The following COL27A1 variants were observed in gnomAD, a reference collection of about 807,000 sequenced individuals.
COL27A1 encodes the protein collagen type XXVII alpha 1 chain.
In COL27A1, 106 loss-of-function variants were observed where a neutral mutation model predicts 251.3. The ratio of observed to expected loss-of-function variants is 0.42; its 90% CI spans 0.36 to 0.50. The LOEUF (loss-of-function observed/expected upper bound fraction) is 0.50, where lower values mean the gene tolerates loss of function less well. Ranked by LOEUF, COL27A1 falls within the 20% of genes least tolerant of loss-of-function variation. The probability of loss-of-function intolerance (pLI) is 0.00; values close to 1 mark genes in which losing one functional copy is unlikely to be tolerated. For synonymous variants in COL27A1, 1,000 were observed against 986.3 expected, an observed-to-expected ratio of 1.01 and a Z score of -0.26; for missense variants, 2,325 against 2,522.8, an observed-to-expected ratio of 0.92 and a Z score of 1.68.
At chr9:114,183,606 A>G (rs1399861921) in intron 5 of COL27A1, among the ~76,000 whole-genome samples, 1 of 152,026 alleles carries the variant, frequency 6.6e-6, no homozygotes, top group African/African-American at 2.4e-5. Flanking sequence ...GCAAGGTGAG[A>G]GACAGTTACA....
intron 50 of COL27A1, 28 bp downstream of exon 50, chr9:114,300,151 T>C: frequency 1.9e-6 from 3 of 1,602,264 alleles, no homozygotes; most frequent in East Asian, 2.2e-5. Context: ...TCACTGTTCC[T>C]GTGGGGTCCC....
chr9:114,259,957 G>T (rs886124287), intron 28 of COL27A1, among the ~76,000 whole-genome samples: 1 of 151,222 alleles, frequency 6.6e-6, no homozygotes, highest in African/African-American at 2.4e-5. Flanking sequence ...GCATTCCTGT[G>T]GCCCAGCAGG....
intron 57 of COL27A1, 68 bp downstream of exon 57, chr9:114,304,741 A>C (rs376673158): frequency 7.2e-7 from 1 of 1,396,588 alleles, no homozygotes; most frequent in Non-Finnish European, 1.0e-6. Context: ...AATGGCCCAC[A>C]TGTGGTCAGT....
intron 40 of COL27A1, among the ~76,000 whole-genome samples, chr9:114,284,196 G>A (rs571830052): frequency 4.6e-5 from 7 of 152,238 alleles, no homozygotes; most frequent in Admixed American, 3.9e-4. Context: ...GGAGGATAAA[G>A]AGCATGCACG....
intron 41 of COL27A1, among the ~76,000 whole-genome samples, chr9:114,287,777 G>T (rs540140499): frequency 3.9e-5 from 6 of 152,180 alleles, no homozygotes; most frequent in African/African-American, 7.2e-5. Flanking sequence ...AGGGTAGGAG[G>T]TTCATCCTAA....
chr9:114,311,546 AG>A lies in COL27A1; in HGVS notation c.*853del, dbSNP rs1262059640. 6 of 133,298 alleles carry A rather than the reference AG, an allele frequency of 4.5e-5. No individual in the cohort carries two copies. The highest frequency in any genetic ancestry group is 6.2e-5 in the Non-Finnish European group (4 of 64,704). 8.3% of individuals were successfully genotyped at this position (133,298 alleles called of 1,614,324 possible). The stretch of plus-strand genomic sequence containing the variant: ...TAAGGAGGAAAAAAGAAAAGAAAAA[AG>A]GAAAAAAAAAAAAAAAAAGCAAAAC... On this transcript the variant is annotated 3_prime_UTR_variant, in exon 61 of 61. Transcript: ENST00000356083.
chr9:114,235,079 C>CAAAAAAAAAAAAAA (rs34337576), intron 16 of COL27A1, among the ~76,000 whole-genome samples: 1 of 88,270 alleles, frequency 1.1e-5, no homozygotes, highest in Non-Finnish European at 2.0e-5. Flanking sequence ...GACTCCATCT[C>CAAAAAAAAAAAAAA]AAAAAAAAAA....
chr9:114,304,533 C>A, intron 56 of COL27A1, 75 bp from the exon 57 acceptor site: 1 of 1,379,540 alleles, frequency 7.2e-7, no homozygotes, highest in Non-Finnish European at 1.0e-6. Flanking sequence ...GGGAATGTGG[C>A]CCTGGGGCTC....
At chr9:114,251,569 T>A (rs1382448665) in intron 25 of COL27A1, among the ~76,000 whole-genome samples, 1 of 152,242 alleles carries the variant, frequency 6.6e-6, no homozygotes, top group East Asian at 1.9e-4. Context: ...CCCTTCACCC[T>A]GTTTCTTCCA....
Position 114,290,383 on chromosome 9 carries a change from A to G in COL27A1, c.4368+52A>G, listed in dbSNP as rs1354170114. 2 of 1,463,904 alleles carry G rather than the reference A, an allele frequency of 1.4e-6. No homozygotes were observed. The highest frequency in any genetic ancestry group is 2.8e-5 in the African/African-American group (2 of 71,538). The allele number at this position is 1,463,904 out of a possible 1,614,324, so 90.7% of individuals were successfully genotyped here. ...GGTGGCTCCATTTGGGACCAGGTGT[A>G]GGGGAACTTCCCCAGGCCATGGGCC... On this transcript the variant is annotated intron_variant, in intron 47 of 60. Coordinates refer to ENST00000356083, the MANE Select transcript of COL27A1 (RefSeq NM_032888.4). This position sits in a 1 kb window ranked among gnomAD's most constrained non-coding sequence, Gnocchi z 4.6.
chr9:114,202,257 A>G (rs1829629426), intron 7 of COL27A1, among the ~76,000 whole-genome samples: 1 of 152,228 alleles, frequency 6.6e-6, no homozygotes, highest in Non-Finnish European at 1.5e-5. Flanking sequence ...GGTTTTCAGC[A>G]GAGTTCTTGT....
At chr9:114,307,578 C>T (rs1438196625) in intron 58 of COL27A1, 91 bp from the exon 59 acceptor site, 7 of 874,994 alleles carry the variant, frequency 8.0e-6, no homozygotes, top group Non-Finnish European at 1.3e-5. Flanking sequence ...TGGGGCTCGG[C>T]AGGTCACAAG....
intron 10 of COL27A1, chr9:114,209,313 A>T: frequency 2.1e-6 from 1 of 480,702 alleles, no homozygotes; most frequent in East Asian, 4.9e-5. Flanking sequence ...ACCTACCAGC[A>T]TCCCTGGGGG....
At chr9:114,277,861 CCCTTT>C (rs1835606567) in intron 37 of COL27A1, among the ~76,000 whole-genome samples, 1 of 152,122 alleles carries the variant, frequency 6.6e-6, no homozygotes, top group Admixed American at 6.5e-5. Flanking sequence ...GTTCTAGGGA[CCCTTT>C]TTTAGTGAGT....
intron 43 of COL27A1, 56 bp from the exon 44 acceptor site, chr9:114,288,858 G>A: frequency 6.2e-7 from 1 of 1,609,248 alleles, no homozygotes. Flanking sequence ...CTTCTGTGCT[G>A]CCTCCCAGCC....
In COL27A1 at chr9:114,311,412, C is replaced by A. The variant is rs529250283; in HGVS notation, c.*717C>A. The A allele has an allele frequency of 6.6e-6, 1 of 151,874 alleles. No homozygotes were observed. The highest frequency in any genetic ancestry group is 2.1e-4 in the South Asian group (1 of 4,826). The allele number at this position is 151,874 out of a possible 1,614,324, so 9.4% of individuals were successfully genotyped here. A position where few individuals can be genotyped will look rare whatever the true frequency, so the allele number is the denominator to read the frequency against. ...TATTTTGCCACAGACTTTGAAGAAACTTTTGGATGTGGGGCATCATCCGCA... is the reference window on the plus strand; with the variant it reads ...TATTTTGCCACAGACTTTGAAGAAAATTTTGGATGTGGGGCATCATCCGCA... On this transcript the variant is annotated 3_prime_UTR_variant, in exon 61 of 61. Transcript: ENST00000356083.
chr9:114,157,063 C>A (rs1848167822), intron 1 of COL27A1, among the ~76,000 whole-genome samples: 1 of 149,202 alleles, frequency 6.7e-6, no homozygotes, highest in African/African-American at 2.5e-5. Context: ...CCGCCCCGCA[C>A]CCCCTCACCA....
At position 114,175,022 on chromosome 9, in the gene COL27A1, C is replaced by T. The variant is rs1205758702; in HGVS notation, c.1909-3269C>T. The stretch of plus-strand genomic sequence containing the variant: ...GGACTTTGGTCTCCTAAACCCCAGG[C>T]TTGTAAAACCTCTCATTGCTTGGCA... On this transcript the variant is annotated intron_variant, in intron 3 of 60. Transcript: ENST00000356083. Among the ~76,000 whole-genome samples, 4 of 152,300 alleles carry T rather than the reference C, an allele frequency of 2.6e-5. No individual in the cohort carries two copies. In the East Asian group the frequency reaches 7.7e-4, roughly 29 times the overall value.
Position 114,311,090 on chromosome 9 carries a change from C to A in COL27A1, c.*395C>A. On this transcript the variant is annotated 3_prime_UTR_variant, in exon 61 of 61. Transcript: ENST00000356083. The stretch of plus-strand genomic sequence containing the variant: ...TCCCTGCTAGGGAGCTATTGATGTG[C>A]AATATTAGAAAGGAGACATGAAAAA... 1 of 173,080 alleles carries A rather than the reference C, an allele frequency of 5.8e-6. No homozygotes were observed. The highest frequency in any genetic ancestry group is 5.9e-5 in the Admixed American group (1 of 16,968). 10.7% of individuals were successfully genotyped at this position (173,080 alleles called of 1,614,324 possible). A position where few individuals can be genotyped will look rare whatever the true frequency, so the allele number is the denominator to read the frequency against.
Sources: gnomAD v4.1 joint callset for allele counts (sites outside exome capture counted in the v4.1 genomes callset) on GRCh38, gnomAD v4.1.1 for gene constraint, Gnocchi (gnomAD v3.1) non-coding constraint, MANE v1.5 for transcripts, NCBI Gene and HGNC (gene_info 2026-07-23, HGNC 2026-07-21) for gene names.